KLHL29: variants seen among roughly 807,000 people sequenced by gnomAD.
The protein encoded by KLHL29 is kelch like family member 29.
In KLHL29, 21 loss-of-function variants were observed where a neutral mutation model predicts 80.4. That is an observed-to-expected ratio of 0.26 (90% CI 0.19 to 0.38). The LOEUF (loss-of-function observed/expected upper bound fraction) is 0.38. KLHL29 is among the 10% of genes least tolerant of loss of function. The probability of loss-of-function intolerance (pLI) is 1.00; values close to 1 mark genes in which losing one functional copy is unlikely to be tolerated. For synonymous variants in KLHL29, 511 were observed against 526.8 expected (o/e 0.97, Z 0.41); for missense variants, 867 against 1,223.9 (o/e 0.71, Z 4.35).
intron 1 of KLHL29, among the ~76,000 whole-genome samples, chr2:23,464,082 C>T (rs547594941): frequency 6.6e-6 from 1 of 152,304 alleles, no homozygotes; most frequent in African/African-American, 2.4e-5. Flanking sequence ...CCTATGCTTC[C>T]ATCAGGGAAA....
At chr2:23,480,161 G>A (rs1037153364) in intron 2 of KLHL29, among the ~76,000 whole-genome samples, 2 of 152,220 alleles carry the variant, frequency 1.3e-5, no homozygotes, top group Admixed American at 6.5e-5. Flanking sequence ...GCAGTTCTTA[G>A]CCCTTGGTGC....
intron 3 of KLHL29, among the ~76,000 whole-genome samples, chr2:23,634,655 A>G (rs978805880): frequency 3.3e-5 from 5 of 152,132 alleles, no homozygotes; most frequent in African/African-American, 1.2e-4. Flanking sequence ...CGGAGGGGCT[A>G]ATGAGTTCTG....
At chr2:23,587,563 G>A (rs571548746) in intron 3 of KLHL29, among the ~76,000 whole-genome samples, 277 of 152,278 alleles carry the variant, frequency 1.8e-3, no homozygotes, top group African/African-American at 5.3e-3. Flanking sequence ...AGTGCTTGGC[G>A]CCCATTTGTC....
chr2:23,587,071 GAAGA>G (rs1668138532), intron 3 of KLHL29, among the ~76,000 whole-genome samples: 1 of 152,152 alleles, frequency 6.6e-6, no homozygotes, highest in African/African-American at 2.4e-5. Flanking sequence ...CCCAGAGTAG[GAAGA>G]ACAGGCCTTT....
At chr2:23,585,401 A>G (rs1042117235) in intron 3 of KLHL29, among the ~76,000 whole-genome samples, 3 of 152,324 alleles carry the variant, frequency 2.0e-5, no homozygotes, top group Admixed American at 1.3e-4. Context: ...AGAGAGGATT[A>G]TACCTACTCC....
intron 5 of KLHL29, among the ~76,000 whole-genome samples, chr2:23,651,370 C>T (rs1670082559): frequency 6.6e-6 from 1 of 152,108 alleles, no homozygotes; most frequent in Admixed American, 6.6e-5. Flanking sequence ...TGCCCACAGG[C>T]CTCTCACTAC....
intron 3 of KLHL29, among the ~76,000 whole-genome samples, chr2:23,609,905 C>G (rs1038544861): frequency 1.3e-5 from 2 of 152,130 alleles, no homozygotes; most frequent in Non-Finnish European, 2.9e-5. Flanking sequence ...TGAACCCACC[C>G]CTGACCCCCC....
At chr2:23,423,972 T>C (rs1023130018) in intron 1 of KLHL29, among the ~76,000 whole-genome samples, 2 of 151,716 alleles carry the variant, frequency 1.3e-5, no homozygotes, top group African/African-American at 4.8e-5. Context: ...GAGCATCCGC[T>C]CTCTCTCCCT....
chr2:23,648,022 C>T (rs1185303785), intron 5 of KLHL29, among the ~76,000 whole-genome samples: 2 of 152,124 alleles, frequency 1.3e-5, no homozygotes, highest in Admixed American at 1.3e-4. Flanking sequence ...CTTCCCCTTC[C>T]CTTCACATGA....
In KLHL29 at chr2:23,446,449, C is replaced by A. The variant is rs1307594594; in HGVS notation, c.-153-29111C>A. On this transcript the variant is annotated intron_variant, in intron 1 of 13. Transcript: ENST00000486442. The stretch of plus-strand genomic sequence containing the variant: ...CTTCCATAGTCGAGAGCCAGCCCAC[C>A]CCAAGATGGTGAAAGCCCAAAACTG... Among the ~76,000 whole-genome samples the A allele has an allele frequency of 2.0e-5, 3 of 152,210 alleles. No homozygotes were observed. In the East Asian group the frequency reaches 5.8e-4, roughly 29 times the overall value.
intron 4 of KLHL29, among the ~76,000 whole-genome samples, chr2:23,641,569 C>T (rs34090656): frequency 0.03 from 4,480 of 151,318 alleles, 115 homozygotes; most frequent in African/African-American, 0.072. Context: ...TCACCACATG[C>T]CAGACACTCT....
chr2:23,611,793 C>T (rs577882170), intron 3 of KLHL29, among the ~76,000 whole-genome samples: 24 of 151,272 alleles, frequency 1.6e-4, no homozygotes, highest in African/African-American at 5.3e-4. Context: ...AGCAGAGAAC[C>T]AGAAACTATA....
chr2:23,563,939 G>A (rs931185014), intron 3 of KLHL29, among the ~76,000 whole-genome samples: 4 of 152,240 alleles, frequency 2.6e-5, no homozygotes, highest in Non-Finnish European at 5.9e-5. Context: ...TCCCCTGGGC[G>A]CCAGCCCGAG....
At chr2:23,703,909 G>C in intron 13 of KLHL29, 46 bp downstream of exon 13, 1 of 1,508,830 alleles carries the variant, frequency 6.6e-7, no homozygotes, top group Non-Finnish European at 8.8e-7. Flanking sequence ...GGAGGAGTGG[G>C]AGGAGGAGGG....
chr2:23,393,119 T>C (rs1167086415), intron 1 of KLHL29, among the ~76,000 whole-genome samples: 1 of 152,252 alleles, frequency 6.6e-6, no homozygotes, highest in South Asian at 2.1e-4. Context: ...TGACCCGGGC[T>C]TGTTCATGTT....
intron 1 of KLHL29, among the ~76,000 whole-genome samples, chr2:23,450,189 T>C (rs1414927488): frequency 1.3e-5 from 2 of 151,914 alleles, no homozygotes; most frequent in African/African-American, 4.8e-5. Context: ...GCACCGGCCT[T>C]GTTGGAGCTT....
intron 3 of KLHL29, chr2:23,617,568 A>G (rs1336844623): frequency 1.3e-5 from 2 of 152,216 alleles, no homozygotes; most frequent in Non-Finnish European, 2.9e-5. Flanking sequence ...GACTCTTTTC[A>G]GGTTATATAA....
intron 5 of KLHL29, among the ~76,000 whole-genome samples, chr2:23,665,030 T>C (rs938928899): frequency 6.6e-6 from 1 of 152,260 alleles, no homozygotes; most frequent in Non-Finnish European, 1.5e-5. Context: ...GGCCTGGGCC[T>C]CTCTCACGTG....
rs1427209436 is a variant in KLHL29, at chr2:23,642,777, G to A, written c.867G>A (p.Ser289=). The A allele has an allele frequency of 6.5e-6, 10 of 1,550,278 alleles. No individual in the cohort carries two copies. Among genetic ancestry groups the A allele is most frequent in the African/African-American group, 4.1e-5 (3 of 73,052 alleles). The change falls in exon 5 of 14, where the codon TCG becomes TCA. Residue 289 remains serine, a synonymous_variant. Coordinates refer to ENST00000486442, the MANE Select transcript of KLHL29 (RefSeq NM_052920.2). ...PATNGPPTTD[S]AHGLQMLRTI... ...CCAATGGGCCCCCCACAACCGACTC[G>A]GCCCACGGGCTGCAGATGCTGCGGA...
Sources: gnomAD v4.1 joint callset for allele counts (sites outside exome capture counted in the v4.1 genomes callset) on GRCh38, gnomAD v4.1.1 for gene constraint, MANE v1.5 for transcripts, NCBI Gene and HGNC (gene_info 2026-07-23, HGNC 2026-07-21) for gene names.